Variants in TENM3 observed in about 807,000 individuals in gnomAD.
TENM3 encodes the protein teneurin-3.
Under a neutral mutation model 255.1 loss-of-function variants are expected in TENM3, and 63 were observed. The ratio of observed to expected loss-of-function variants is 0.25; its 90% CI spans 0.20 to 0.30. The LOEUF (loss-of-function observed/expected upper bound fraction) is 0.30, where lower values mean the gene tolerates loss of function less well. Among genes scored for constraint, TENM3 ranks in the 10% least tolerant of loss-of-function variants. The pLI is 1.00. For synonymous variants in TENM3, 1,306 were observed against 1,322.3 expected (o/e 0.99, Z 0.27); for missense variants, 2,929 against 3,461.1 (o/e 0.85, Z 3.86).
intron 4 of TENM3, among the ~76,000 whole-genome samples, chr4:182,621,817 T>C (rs1750301838): frequency 8.2e-6 from 1 of 121,778 alleles, no homozygotes; most frequent in Non-Finnish European, 1.6e-5. Flanking sequence ...ATATTATATA[T>C]ATATATATTA....
intron 1 of TENM3, among the ~76,000 whole-genome samples, chr4:182,234,454 C>A (rs1438402671): frequency 1.3e-5 from 2 of 152,126 alleles, no homozygotes; most frequent in African/African-American, 2.4e-5. Context: ...AAAACACAGC[C>A]CTGTGCAGTG....
At chr4:182,512,295 G>A (rs893999424) in intron 3 of TENM3, among the ~76,000 whole-genome samples, 10 of 152,210 alleles carry the variant, frequency 6.6e-5, no homozygotes, top group African/African-American at 1.9e-4. Context: ...TTTGCTAAAC[G>A]GTAAAAGCAA....
chr4:181,619,512 C>T, the TENM3 span, among the ~76,000 whole-genome samples: 1 of 152,150 alleles, frequency 6.6e-6, no homozygotes, highest in Non-Finnish European at 1.5e-5. Context: ...GCCTAGAACT[C>T]ATGGGTGCAA....
chr4:181,951,663 A>G, the TENM3 span, among the ~76,000 whole-genome samples: 1 of 152,236 alleles, frequency 6.6e-6, no homozygotes, highest in Non-Finnish European at 1.5e-5. Context: ...TGTAAACTCA[A>G]CAAAGATATC....
intron 1 of TENM3, among the ~76,000 whole-genome samples, chr4:182,201,789 T>A (rs1297332454): frequency 6.6e-6 from 1 of 152,224 alleles, no homozygotes; most frequent in Non-Finnish European, 1.5e-5. Flanking sequence ...CAGAACCCAC[T>A]GCCTCTGAAG....
At chr4:182,603,763 A>ATT (rs1400665303) in intron 4 of TENM3, among the ~76,000 whole-genome samples, 15,132 of 119,024 alleles carry the variant, frequency 0.13, 1,444 homozygotes, top group East Asian at 0.28. Flanking sequence ...TTTGGCAATT[A>ATT]TTTATATATA....
chr4:182,008,441 CT>C, the TENM3 span, among the ~76,000 whole-genome samples: 1 of 151,980 alleles, frequency 6.6e-6, no homozygotes, highest in East Asian at 2.0e-4. Flanking sequence ...CCTTGTCTTT[CT>C]TTTTTCTCTA....
At chr4:181,577,309 G>A in the TENM3 span, among the ~76,000 whole-genome samples, 5 of 149,270 alleles carry the variant, frequency 3.3e-5, no homozygotes, top group Non-Finnish European at 5.9e-5. Flanking sequence ...CCAAAGTGCC[G>A]GGATTACAGG....
At chr4:182,237,996 C>T (rs531195012) in intron 1 of TENM3, among the ~76,000 whole-genome samples, 19 of 152,276 alleles carry the variant, frequency 1.2e-4, no homozygotes, top group African/African-American at 4.3e-4. Flanking sequence ...GCTACCACAA[C>T]CAAAATATAT....
the TENM3 span, among the ~76,000 whole-genome samples, chr4:181,933,122 C>A: frequency 6.6e-6 from 1 of 152,004 alleles, no homozygotes; most frequent in African/African-American, 2.4e-5. Context: ...ATATAACAAA[C>A]CTGCACGTTC....
chr4:182,047,492 G>A, the TENM3 span, among the ~76,000 whole-genome samples: 7 of 148,514 alleles, frequency 4.7e-5, no homozygotes, highest in Non-Finnish European at 8.9e-5. Context: ...AACCTGGGAG[G>A]TGGAGATTGC....
intron 3 of TENM3, among the ~76,000 whole-genome samples, chr4:182,515,242 TTGA>T (rs751026003): frequency 6.6e-6 from 1 of 152,114 alleles, no homozygotes; most frequent in Non-Finnish European, 1.5e-5. Context: ...GGAAAATATA[TTGA>T]TGTGGGTGAC....
chr4:181,883,604 A>G, the TENM3 span, among the ~76,000 whole-genome samples: 1 of 151,882 alleles, frequency 6.6e-6, no homozygotes, highest in Non-Finnish European at 1.5e-5. Context: ...CCTCCCGAGT[A>G]GCTGGGACTA....
chr4:182,013,968 GTA>G, the TENM3 span, among the ~76,000 whole-genome samples: 2,568 of 91,612 alleles, frequency 0.028, 38 homozygotes, highest in East Asian at 0.075. Flanking sequence ...ACATATATAC[GTA>G]TATATACGTG....
the TENM3 span, among the ~76,000 whole-genome samples, chr4:181,544,408 T>TAAA: frequency 2.2e-3 from 153 of 68,658 alleles, 6 homozygotes; most frequent in Middle Eastern, 0.012. Flanking sequence ...CCTTCAGGAT[T>TAAA]AAAAAAAAAA....
intron 1 of TENM3, among the ~76,000 whole-genome samples, chr4:182,272,363 T>A (rs954637343): frequency 1.3e-5 from 2 of 151,858 alleles, no homozygotes; most frequent in African/African-American, 4.8e-5. Flanking sequence ...CCACCTAGAG[T>A]TGATTTACTA....
the TENM3 span, among the ~76,000 whole-genome samples, chr4:181,886,632 T>G: frequency 2.1e-4 from 32 of 152,326 alleles, 2 homozygotes; most frequent in African/African-American, 7.7e-4. Flanking sequence ...GCACATGCAC[T>G]TAATATTCAG....
chr4:182,214,267 G>T (rs1483785817), intron 1 of TENM3, among the ~76,000 whole-genome samples: 1 of 152,064 alleles, frequency 6.6e-6, no homozygotes, highest in East Asian at 1.9e-4. Context: ...TAAATATGTA[G>T]CTTACCTTGT....
chr4:181,850,869 T>C, the TENM3 span, among the ~76,000 whole-genome samples: 1 of 152,190 alleles, frequency 6.6e-6, no homozygotes, highest in Non-Finnish European at 1.5e-5. Flanking sequence ...TTGCCTCTTA[T>C]TTCCGGTTTT....
Sources: gnomAD v4.1 joint callset for allele counts (sites outside exome capture counted in the v4.1 genomes callset) on GRCh38, gnomAD v4.1.1 for gene constraint, MANE v1.5 for transcripts, NCBI Gene and HGNC (gene_info 2026-07-23, HGNC 2026-07-21) for gene names.